MED12L: variants seen among roughly 807,000 people sequenced by gnomAD.
The protein encoded by MED12L is mediator of RNA polymerase II transcription subunit 12-like protein.
A neutral mutation model predicts 281.3 loss-of-function variants in MED12L; 60 were observed. The ratio of observed to expected loss-of-function variants is 0.21; its 90% CI spans 0.17 to 0.26. The LOEUF (loss-of-function observed/expected upper bound fraction) is 0.26, where lower values mean the gene tolerates loss of function less well. Ranked by LOEUF, MED12L falls within the 10% of genes least tolerant of loss-of-function variation. The pLI is 1.00. For missense variants in MED12L, 2,146 were observed against 2,680.9 expected (o/e 0.80, Z 4.41); for synonymous variants, 974 against 987.2 (o/e 0.99, Z 0.25).
At chr3:151,431,776 A>G (rs1165846098) in intron 44 of MED12L, among the ~76,000 whole-genome samples, 1 of 152,184 alleles carries the variant, frequency 6.6e-6, no homozygotes, top group Non-Finnish European at 1.5e-5. Flanking sequence ...TAAAGCCATC[A>G]TTTATGGAGG....
intron 5 of MED12L, among the ~76,000 whole-genome samples, chr3:151,129,907 T>C (rs1326106366): frequency 6.6e-6 from 1 of 152,176 alleles, no homozygotes; most frequent in Non-Finnish European, 1.5e-5. Flanking sequence ...TTGTTGGGAC[T>C]ATAGGCGTGT....
At chr3:151,282,828 G>A (rs1742992415) in intron 16 of MED12L, among the ~76,000 whole-genome samples, 1 of 151,834 alleles carries the variant, frequency 6.6e-6, no homozygotes, top group Admixed American at 6.5e-5. Context: ...AATTGAAAAA[G>A]TGTTTTGAAA....
intron 38 of MED12L, among the ~76,000 whole-genome samples, chr3:151,393,472 G>C (rs1714556938): frequency 6.6e-6 from 1 of 152,130 alleles, no homozygotes; most frequent in African/African-American, 2.4e-5. Flanking sequence ...GATAAGTGGA[G>C]GGATGACTTC....
Position 151,350,232 on chromosome 3 carries a change from C to A in MED12L, c.2398+26C>A, listed in dbSNP as rs1753052957. 5 of 1,607,044 alleles carry A rather than the reference C, an allele frequency of 3.1e-6. 1 individual carries two copies. The highest frequency in any genetic ancestry group is 3.3e-4 in the Middle Eastern group (2 of 6,028). ...GTAAAGAACCTTAATGCATTTGCTCCCATTGTGTTGCCTTTTGCCTTCCCT... is the reference window on the plus strand; with the variant it reads ...GTAAAGAACCTTAATGCATTTGCTCACATTGTGTTGCCTTTTGCCTTCCCT... On this transcript the variant is annotated intron_variant, in intron 17 of 44. Coordinates refer to ENST00000687756, the MANE Select transcript of MED12L (RefSeq NM_001393769.1).
intron 16 of MED12L, among the ~76,000 whole-genome samples, chr3:151,296,449 G>A (rs576677800): frequency 6.6e-6 from 1 of 152,294 alleles, no homozygotes; most frequent in East Asian, 1.9e-4. Flanking sequence ...ATTGAGCATG[G>A]CAGGGACACC....
intron 38 of MED12L, among the ~76,000 whole-genome samples, chr3:151,394,224 T>A (rs531090783): frequency 6.6e-6 from 1 of 152,346 alleles, no homozygotes; most frequent in Non-Finnish European, 1.5e-5. Flanking sequence ...GAAAAGACTT[T>A]AATGACATGA....
intron 16 of MED12L, among the ~76,000 whole-genome samples, chr3:151,334,927 G>A (rs568253069): frequency 6.6e-6 from 1 of 152,272 alleles, no homozygotes; most frequent in East Asian, 1.9e-4. Context: ...CTGAATAGTT[G>A]TGTTCCAATA....
At chr3:151,208,701 A>G (rs1726723037) in intron 16 of MED12L, among the ~76,000 whole-genome samples, 1 of 152,082 alleles carries the variant, frequency 6.6e-6, no homozygotes. Flanking sequence ...CAGAAAAATC[A>G]AGAATTTAAG....
At chr3:151,367,857 G>A (rs2107945604) in intron 24 of MED12L, 91 bp downstream of exon 24, 2 of 1,425,946 alleles carry the variant, frequency 1.4e-6, no homozygotes, top group East Asian at 4.6e-5. Flanking sequence ...AGGAGTATTT[G>A]AGGGTATGTA....
Position 151,257,681 on chromosome 3 carries a change from T to C in MED12L, c.2250+64015T>C, listed in dbSNP as rs563615517. Among the ~76,000 whole-genome samples, 46 of 152,378 alleles carry C rather than the reference T, an allele frequency of 3.0e-4. No individual in the cohort carries two copies. In the South Asian group the frequency reaches 9.1e-3, roughly 30 times the overall value. On this transcript the variant is annotated intron_variant, in intron 16 of 44. Coordinates refer to ENST00000687756, the MANE Select transcript of MED12L (RefSeq NM_001393769.1). ...AAGATTTGCATTGTGTGGGCTTTCA[T>C]ACCATCTTCAAGAGATGATTTTTTG...
rs1353720601 is a variant in MED12L, at chr3:151,334,186, TTC to T, written c.2251-15871_2251-15870del. On this transcript the variant is annotated intron_variant, in intron 16 of 44. Transcript: ENST00000687756. Reference sequence around the variant, plus strand: ...ATTGGTGATGTTATGTGTTTTTTCTTTCTTTCTTTCTTTTTTTTTTTGCCATT... The same window carrying T: ...ATTGGTGATGTTATGTGTTTTTTCTTTTTCTTTCTTTTTTTTTTTGCCATT... Among the ~76,000 whole-genome samples the T allele has an allele frequency of 5.3e-5, 4 of 75,616 alleles. No individual in the cohort carries two copies. The Admixed American group carries it at 5.7e-4, about 11-fold the overall frequency. The allele number at this position is 75,616 out of a possible 152,430, so 49.6% of individuals were successfully genotyped here. A position where few individuals can be genotyped will look rare whatever the true frequency, so the allele number is the denominator to read the frequency against.
chr3:151,259,720 T>A (rs1738505296), intron 16 of MED12L, among the ~76,000 whole-genome samples: 1 of 152,260 alleles, frequency 6.6e-6, no homozygotes, highest in East Asian at 1.9e-4. Context: ...GTATAAATAC[T>A]CTGTGTTAAT....
In MED12L at chr3:151,297,631, G is replaced by A. The variant is rs76922671; in HGVS notation, c.2251-52428G>A. Reference sequence around the variant, plus strand: ...GGCAGGGAATATTTCAACTGCTTGTGTTGGCTCCCTGGGGATCTGCTATGC... The same window carrying A: ...GGCAGGGAATATTTCAACTGCTTGTATTGGCTCCCTGGGGATCTGCTATGC... On this transcript the variant is annotated intron_variant, in intron 16 of 44. Coordinates refer to ENST00000687756, the MANE Select transcript of MED12L (RefSeq NM_001393769.1). Among the ~76,000 whole-genome samples, 27 of 152,302 alleles carry A rather than the reference G, an allele frequency of 1.8e-4. No individual in the cohort carries two copies. The East Asian group carries it at 4.8e-3, about 27-fold the overall frequency.
intron 16 of MED12L, among the ~76,000 whole-genome samples, chr3:151,343,990 A>T (rs1469527285): frequency 1.3e-5 from 2 of 152,174 alleles, no homozygotes; most frequent in Non-Finnish European, 2.9e-5. Context: ...AGCAGTGCAT[A>T]GTCATGTCTG....
chr3:151,174,629 A>G (rs1185259723), intron 11 of MED12L, among the ~76,000 whole-genome samples: 1 of 152,238 alleles, frequency 6.6e-6, no homozygotes, highest in East Asian at 1.9e-4. Flanking sequence ...TGAAGTTAGG[A>G]AAACTTGTCC....
chr3:151,165,458 A>G lies in MED12L; in HGVS notation c.1296A>G (p.Lys432=). ...ARIYEVEQQI[K]QRGRAVEVRW... ...TTTATGAAGTAGAACAACAGATAAAACAAAGAGGCCGTGCAGTGGAAGTTC... is the reference window on the plus strand; with the variant it reads ...TTTATGAAGTAGAACAACAGATAAAGCAAAGAGGCCGTGCAGTGGAAGTTC... Residue 432 remains lysine, a synonymous_variant, in exon 10 of 45, where the codon AAA becomes AAG. Transcript: ENST00000687756. 1.2e-6 allele frequency: 2 copies of G among 1,614,126 alleles called. No individual in the cohort carries two copies. The highest frequency in any genetic ancestry group is 2.2e-5 in the South Asian group (2 of 91,088).
chr3:151,283,529 G>A (rs1321024020), intron 16 of MED12L, among the ~76,000 whole-genome samples: 1 of 152,152 alleles, frequency 6.6e-6, no homozygotes. Context: ...CCATTTGCTT[G>A]CAAGACTCAC....
At chr3:151,374,029 A>G (rs1271552271) in intron 27 of MED12L, among the ~76,000 whole-genome samples, 1 of 152,166 alleles carries the variant, frequency 6.6e-6, no homozygotes, top group African/African-American at 2.4e-5. Context: ...TGATACCTTC[A>G]ATTCCAATCC....
intron 16 of MED12L, among the ~76,000 whole-genome samples, chr3:151,293,743 A>T (rs1455046549): frequency 6.6e-6 from 1 of 152,164 alleles, no homozygotes; most frequent in African/African-American, 2.4e-5. Context: ...CCCCACACAG[A>T]GAATGAGGGG....
Sources: gnomAD v4.1 joint callset for allele counts (sites outside exome capture counted in the v4.1 genomes callset) on GRCh38, gnomAD v4.1.1 for gene constraint, MANE v1.5 for transcripts, NCBI Gene and HGNC (gene_info 2026-07-23, HGNC 2026-07-21) for gene names.